The following CRACDL variants were observed in gnomAD, a reference collection of about 807,000 sequenced individuals.
CRACDL encodes the protein CRACD-like protein.
Under a neutral mutation model 70.6 loss-of-function variants are expected in CRACDL, and 26 were observed. The ratio of observed to expected loss-of-function variants is 0.37; its 90% confidence interval spans 0.27 to 0.51. CRACDL has a LOEUF of 0.51. CRACDL is among the 20% of genes least tolerant of loss of function. The pLI is 0.94. For missense variants in CRACDL, 1,283 were observed against 1,376.9 expected (o/e 0.93, Z 1.08); for synonymous variants, 618 against 615.2 (o/e 1.00, Z -0.07).
At position 98,823,696 on chromosome 2, in the gene CRACDL, G is replaced by T. The variant is rs1705193752; in HGVS notation, c.736-159C>A. Among the ~76,000 whole-genome samples the T allele has an allele frequency of 6.6e-6, 1 of 152,224 alleles. No homozygotes were observed. ...ACCCACGGGTGTCTTTTCTCAGTCT[G>T]TATCCTACTGGTCTACTTGGGCTCA... is the stretch of plus-strand genomic sequence containing the variant. On this transcript the variant is annotated intron_variant, in intron 6 of 9. Transcript: ENST00000397899. The surrounding 1 kb of genome is among the most constrained non-coding windows in gnomAD (Gnocchi z 4.0).
intron 7 of CRACDL, among the ~76,000 whole-genome samples, chr2:98,806,580 G>A (rs948471984): frequency 7.9e-5 from 12 of 152,178 alleles, no homozygotes; most frequent in African/African-American, 2.9e-4. Context: ...CTAAACTGCC[G>A]CTGCCTGTGC....
At chr2:98,835,201 C>A (rs895902818) in intron 3 of CRACDL, among the ~76,000 whole-genome samples, 21 of 152,142 alleles carry the variant, frequency 1.4e-4, no homozygotes, top group Non-Finnish European at 2.8e-4. Flanking sequence ...GAAATATCAG[C>A]AAATTAATGG....
intron 1 of CRACDL, among the ~76,000 whole-genome samples, chr2:98,925,679 C>A (rs1708894014): frequency 6.6e-6 from 1 of 152,158 alleles, no homozygotes; most frequent in African/African-American, 2.4e-5. Context: ...ACCAGCTATG[C>A]AATCCTGCCA....
intron 7 of CRACDL, among the ~76,000 whole-genome samples, chr2:98,800,464 TG>T (rs1704026960): frequency 6.6e-6 from 1 of 152,042 alleles, no homozygotes; most frequent in South Asian, 2.1e-4. Context: ...GAAGGTTGTG[TG>T]GAGAATCAGT....
intron 1 of CRACDL, among the ~76,000 whole-genome samples, chr2:98,930,184 T>A (rs1023689202): frequency 1.3e-5 from 2 of 152,098 alleles, no homozygotes; most frequent in Admixed American, 6.5e-5. Flanking sequence ...GTGGCCCCCA[T>A]GCAAGTGCTT....
chr2:98,797,211 A>C, intron 8 of CRACDL, 139 bp downstream of exon 8: 1 of 793,436 alleles, frequency 1.3e-6, no homozygotes, highest in Non-Finnish European at 2.0e-6. Context: ...TTGGCTCTCG[A>C]CCACACATCC....
chr2:98,911,456 G>T (rs1048887200), intron 1 of CRACDL, among the ~76,000 whole-genome samples: 26 of 152,210 alleles, frequency 1.7e-4, no homozygotes, highest in African/African-American at 6.3e-4. Context: ...AGGGCAGCAA[G>T]GTCCCCGCTC....
intron 1 of CRACDL, among the ~76,000 whole-genome samples, chr2:98,918,180 C>A (rs1321805764): frequency 2.0e-5 from 3 of 152,086 alleles, no homozygotes; most frequent in Non-Finnish European, 4.4e-5. Context: ...ATTTTCAGTT[C>A]TTTGAGAAAT....
intron 7 of CRACDL, among the ~76,000 whole-genome samples, chr2:98,818,038 T>C (rs1250008385): frequency 6.6e-6 from 1 of 152,198 alleles, no homozygotes; most frequent in Non-Finnish European, 1.5e-5. Context: ...ACTCCTTTGT[T>C]CTCATTCTAA....
chr2:98,848,081 C>T (rs1227784190), intron 1 of CRACDL, among the ~76,000 whole-genome samples: 1 of 152,186 alleles, frequency 6.6e-6, no homozygotes, highest in East Asian at 1.9e-4. Context: ...CCAGATTTGA[C>T]TCATGATCAT....
At position 98,890,854 on chromosome 2, in the gene CRACDL, C is replaced by T. The variant is rs538850252; in HGVS notation, c.-10-44044G>A. Among the ~76,000 whole-genome samples, 20 of 151,958 alleles carry T rather than the reference C, an allele frequency of 1.3e-4. No homozygotes were observed. The East Asian group carries it at 2.3e-3, about 18-fold the overall frequency. ...GGTGGACCACCTGAGGTCAGTAGTT[C>T]GAGACCAGCCTCGTCAACACGGTGA... On this transcript the variant is annotated intron_variant, in intron 1 of 9. Coordinates refer to ENST00000397899, the MANE Select transcript of CRACDL (RefSeq NM_207362.3).
At chr2:98,836,865 G>A (rs1430650335) in intron 3 of CRACDL, among the ~76,000 whole-genome samples, 1 of 152,034 alleles carries the variant, frequency 6.6e-6, no homozygotes. Flanking sequence ...GGCGGATCGC[G>A]AGGTCAGGAA....
intron 3 of CRACDL, among the ~76,000 whole-genome samples, chr2:98,837,895 T>C (rs1705865445): frequency 6.6e-6 from 1 of 152,182 alleles, no homozygotes. Context: ...TGTCCGTTTA[T>C]AAAATGGCAT....
At chr2:98,828,587 G>A (rs1705412930) in intron 5 of CRACDL, among the ~76,000 whole-genome samples, 1 of 152,160 alleles carries the variant, frequency 6.6e-6, no homozygotes, top group Non-Finnish European at 1.5e-5. Flanking sequence ...AAGGATGATC[G>A]TACTGGTGAG....
rs780851259 is a variant in CRACDL, at chr2:98,822,848, C to G, written c.1425G>C (p.Glu475Asp). The change falls in exon 7 of 10, where the codon GAG (glutamate) becomes GAC (aspartate). Residue 475 changes from glutamate to aspartate, a missense_variant. By Grantham distance (45) the Glu-to-Asp change is conservative. Coordinates refer to ENST00000397899, the MANE Select transcript of CRACDL (RefSeq NM_207362.3). The surrounding 1 kb of genome is among the most constrained non-coding windows in gnomAD (Gnocchi z 4.9). ...ETEPERGAGTEPERIGTEPST... is the reference protein window; with the variant it reads ...ETEPERGAGTDPERIGTEPST... ...AGGGCTCGGTCCCAATTCTCTCGGG[C>G]TCGGTCCCCGCTCCTCTCTCGGGCT... 5.5e-6 allele frequency: 8 copies of G among 1,447,946 alleles called. No homozygotes were observed. The East Asian group carries it at 2.2e-4, about 40-fold the overall frequency. The allele number at this position is 1,447,946 out of a possible 1,614,324, so 89.7% of individuals were successfully genotyped here.
chr2:98,809,991 C>T (rs937883043), intron 7 of CRACDL, among the ~76,000 whole-genome samples: 2 of 152,162 alleles, frequency 1.3e-5, no homozygotes, highest in Non-Finnish European at 2.9e-5. Flanking sequence ...TCAGAGTAAA[C>T]CCCACAGATC....
Position 98,851,300 on chromosome 2 carries a change from A to G in CRACDL, c.-10-4490T>C, listed in dbSNP as rs1309309794. On this transcript the variant is annotated intron_variant, in intron 1 of 9. Coordinates refer to ENST00000397899, the MANE Select transcript of CRACDL (RefSeq NM_207362.3). ...AGTACCCAGGACAGTGCCCGACCAGAGAACTGAACAGATCACACCAAACAA... is the reference window on the plus strand; with the variant it reads ...AGTACCCAGGACAGTGCCCGACCAGGGAACTGAACAGATCACACCAAACAA... 2.6e-5 allele frequency among the ~76,000 whole-genome samples: 4 copies of G among 152,196 alleles called. No individual in the cohort carries two copies. The South Asian group carries it at 8.3e-4, about 32-fold the overall frequency.
chr2:98,932,975 A>AG (rs923130171), intron 1 of CRACDL, among the ~76,000 whole-genome samples: 1 of 152,104 alleles, frequency 6.6e-6, no homozygotes, highest in Non-Finnish European at 1.5e-5. Flanking sequence ...GGTGGGGCTG[A>AG]GGGGGCGTTC....
At position 98,865,137 on chromosome 2, in the gene CRACDL, C is replaced by T. The variant is rs142553206; in HGVS notation, c.-10-18327G>A. 9.1e-4 allele frequency among the ~76,000 whole-genome samples: 138 copies of T among 152,216 alleles called. 3 individuals carry two copies. The East Asian group carries it at 0.024, about 26-fold the overall frequency. ...AAGCCCTGTGCACACCAGCAGAATG[C>T]GTGCCTCAGCCCTGCTCTCCCTCCA... On this transcript the variant is annotated intron_variant, in intron 1 of 9. Coordinates refer to ENST00000397899, the MANE Select transcript of CRACDL (RefSeq NM_207362.3).
Sources: allele counts gnomAD v4.1 joint callset (sites outside exome capture counted in the v4.1 genomes callset), GRCh38; gene constraint gnomAD v4.1.1; non-coding constraint Gnocchi (gnomAD v3.1); transcripts MANE v1.5; gene names NCBI Gene and HGNC (gene_info 2026-07-23, HGNC 2026-07-21).